Variants in ADGRL2 observed in about 807,000 individuals in gnomAD.
ADGRL2 encodes adhesion G protein-coupled receptor L2.
A neutral mutation model predicts 157.4 loss-of-function variants in ADGRL2; 44 were observed. That is an observed-to-expected ratio of 0.28 (90% confidence interval 0.22 to 0.36). The LOEUF (loss-of-function observed/expected upper bound fraction) is 0.36, where lower values mean the gene tolerates loss of function less well. Ranked by LOEUF, ADGRL2 falls within the 10% of genes least tolerant of loss-of-function variation. ADGRL2 has a pLI of 1.00. For synonymous variants in ADGRL2, 585 were observed against 624.7 expected (o/e 0.94, Z 0.95); for missense variants, 1,510 against 1,768.9 (o/e 0.85, Z 2.63).
chr1:81,980,698 C>G, intron 18 of ADGRL2: 5 of 521,464 alleles, frequency 9.6e-6, no homozygotes. Flanking sequence ...AGGTTAGTGC[C>G]AGCTTCATTG....
intron 2 of ADGRL2, among the ~76,000 whole-genome samples, chr1:81,781,914 G>A (rs1053568807): frequency 3.9e-5 from 6 of 152,148 alleles, no homozygotes; most frequent in Admixed American, 6.5e-5. Context: ...TCTCCCACTT[G>A]TAGAACCAAA....
intron 3 of ADGRL2, among the ~76,000 whole-genome samples, chr1:81,687,263 G>T (rs2083248031): frequency 6.6e-6 from 1 of 152,084 alleles, no homozygotes; most frequent in South Asian, 2.1e-4. Flanking sequence ...CTATTATTGT[G>T]TTGCTTTCTA....
chr1:81,493,288 A>G (rs1163806145), intron 2 of ADGRL2, among the ~76,000 whole-genome samples: 2 of 152,196 alleles, frequency 1.3e-5, no homozygotes, highest in Non-Finnish European at 2.9e-5. Flanking sequence ...CAGCATGACA[A>G]GACAGTGTAT....
At chr1:81,488,886 G>A (rs2147935526) in intron 2 of ADGRL2, among the ~76,000 whole-genome samples, 1 of 152,142 alleles carries the variant, frequency 6.6e-6, no homozygotes, top group South Asian at 2.1e-4. Flanking sequence ...ACTGAATTAA[G>A]ATAAAGAGAA....
chr1:81,596,321 T>C lies in ADGRL2; in HGVS notation c.-143+15341T>C, dbSNP rs892891349. The C allele has an allele frequency of 5.5e-6, 3 of 549,428 alleles. No individual in the cohort carries two copies. In the African/African-American group the frequency reaches 5.7e-5, roughly 10 times the overall value. The allele number at this position is 549,428 out of a possible 1,614,324, so 34.0% of individuals were successfully genotyped here. A position where few individuals can be genotyped will look rare whatever the true frequency, so the allele number is the denominator to read the frequency against. On this transcript the variant is annotated intron_variant, in intron 3 of 24. Transcript: ENST00000370721. ...CACAAGGATTTTTTCTTGTAGTGATTCTCAAACTCTTGGTAGGCATTCGAA... is the reference window on the plus strand; with the variant it reads ...CACAAGGATTTTTTCTTGTAGTGATCCTCAAACTCTTGGTAGGCATTCGAA...
intron 1 of ADGRL2, among the ~76,000 whole-genome samples, chr1:81,333,762 CAA>C (rs35097540): frequency 4.3e-4 from 48 of 111,888 alleles, no homozygotes; most frequent in Admixed American, 9.7e-4. Flanking sequence ...GTTCCCTAAG[CAA>C]AAAAAAAAAA....
intron 1 of ADGRL2, among the ~76,000 whole-genome samples, chr1:81,724,359 A>G (rs1371994362): frequency 6.6e-6 from 1 of 152,180 alleles, no homozygotes; most frequent in Non-Finnish European, 1.5e-5. Context: ...TTTGAAAATA[A>G]TAAGGTTTGA....
intron 1 of ADGRL2, among the ~76,000 whole-genome samples, chr1:81,758,293 A>AT (rs1557625893): frequency 6.6e-6 from 1 of 152,144 alleles, no homozygotes; most frequent in Non-Finnish European, 1.5e-5. Flanking sequence ...AAGCAGCAGC[A>AT]TAAGTGTTGT....
intron 1 of ADGRL2, among the ~76,000 whole-genome samples, chr1:81,439,240 T>A (rs528893531): frequency 6.6e-6 from 1 of 152,326 alleles, no homozygotes; most frequent in Admixed American, 6.5e-5. Context: ...GGTTTCTATC[T>A]TATTAAGAGC....
rs972701428 is a variant in ADGRL2 at position 81,326,614 on chromosome 1, G to GA, written c.-302+20112dup. Among the ~76,000 whole-genome samples, 8 of 151,918 alleles carry GA rather than the reference G, an allele frequency of 5.3e-5. 1 individual carries two copies. The highest frequency in any genetic ancestry group is 3.9e-4 in the Admixed American group (6 of 15,256). ...TTTAAGTGAACTACATACAAAAGAAGAAAAAAACACATTAATTTGCTCTAG... is the reference window on the plus strand; with the variant it reads ...TTTAAGTGAACTACATACAAAAGAAGAAAAAAAACACATTAATTTGCTCTAG... On this transcript the variant is annotated intron_variant, in intron 1 of 24. Coordinates refer to the ADGRL2 transcript ENST00000370721.
chr1:81,730,416 T>A (rs2084678663), intron 1 of ADGRL2, among the ~76,000 whole-genome samples: 2 of 151,518 alleles, frequency 1.3e-5, no homozygotes. Flanking sequence ...AGCATGCTAT[T>A]TATTCAGTCA....
rs150230540 is a variant in ADGRL2 at position 81,475,341 on chromosome 1, T to C, written c.-248+30252T>C. ...GCTACTCCCCTGAGTACCATCTCAG[T>C]TTTTATTACTATTGTTTACGTCTTG... is the stretch of plus-strand genomic sequence containing the variant. On this transcript the variant is annotated intron_variant, in intron 2 of 24. Transcript: ENST00000370721. Among the ~76,000 whole-genome samples the C allele has an allele frequency of 8.7e-3, 1,329 of 152,242 alleles. 26 individuals carry two copies. The highest frequency in any genetic ancestry group is 0.03 in the African/African-American group (1,256 of 41,542).
intron 3 of ADGRL2, among the ~76,000 whole-genome samples, chr1:81,646,409 G>T (rs1360777153): frequency 1.3e-5 from 2 of 152,112 alleles, no homozygotes; most frequent in Admixed American, 6.6e-5. Context: ...TGACTTCATG[G>T]GTGGAAAATC....
At chr1:81,494,625 T>A (rs2078696004) in intron 2 of ADGRL2, among the ~76,000 whole-genome samples, 2 of 152,116 alleles carry the variant, frequency 1.3e-5, no homozygotes, top group South Asian at 4.2e-4. Context: ...TACCCAGAAG[T>A]CTTGATTACC....
intron 1 of ADGRL2, chr1:81,427,380 G>A (rs1247762299): frequency 1.1e-5 from 8 of 738,570 alleles, no homozygotes; most frequent in African/African-American, 3.4e-5. Context: ...GGAAACCAAG[G>A]TGGTAGATAT....
intron 2 of ADGRL2, among the ~76,000 whole-genome samples, chr1:81,515,862 C>G (rs550481961): frequency 6.6e-6 from 1 of 152,042 alleles, no homozygotes; most frequent in Non-Finnish European, 1.5e-5. Flanking sequence ...GTTTTTAAAT[C>G]TTCTTTTCTT....
intron 2 of ADGRL2, among the ~76,000 whole-genome samples, chr1:81,864,257 A>T (rs1321107092): frequency 6.6e-6 from 1 of 152,122 alleles, no homozygotes; most frequent in Non-Finnish European, 1.5e-5. Context: ...GTCAAGCAAG[A>T]AGTTTTTTTT....
chr1:81,330,651 T>C (rs1247133718), intron 1 of ADGRL2, among the ~76,000 whole-genome samples: 1 of 152,148 alleles, frequency 6.6e-6, no homozygotes. Context: ...CATTATCATC[T>C]AGGTACACAA....
chr1:81,520,350 A>T (rs181728352), intron 2 of ADGRL2, among the ~76,000 whole-genome samples: 6 of 152,148 alleles, frequency 3.9e-5, no homozygotes, highest in African/African-American at 1.4e-4. Context: ...TGAGTGACAT[A>T]AAAACACCAT....
Sources: allele counts gnomAD v4.1 joint callset (sites outside exome capture counted in the v4.1 genomes callset), GRCh38; gene constraint gnomAD v4.1.1; transcripts MANE v1.5; gene names NCBI Gene and HGNC (gene_info 2026-07-23, HGNC 2026-07-21).